Variants in MYBPC3 observed in about 807,000 individuals in gnomAD.
MYBPC3 encodes myosin binding protein C3, also known as myosin-binding protein C, cardiac-type.
MYBPC3 carries 108 observed loss-of-function variants against 159.3 expected under a neutral mutation model. That is an observed-to-expected ratio of 0.68 (90% CI 0.58 to 0.80). The LOEUF is 0.80. Ranked by LOEUF, MYBPC3 falls within the 30% of genes least tolerant of loss-of-function variation. MYBPC3 has a pLI of 0.00. For missense variants in MYBPC3, 1,631 were observed against 1,762.1 expected (o/e 0.93, Z 1.33); for synonymous variants, 730 against 702.0 (o/e 1.04, Z -0.63).
chr11:47,331,911 C>G, intron 33 of MYBPC3, 30 bp from the exon 34 acceptor site: 2 of 1,607,836 alleles, frequency 1.2e-6, no homozygotes, highest in Non-Finnish European at 1.7e-6. Flanking sequence ...GTCACTGTGT[C>G]CTCCCAGCCT....
At chr11:47,343,201 A>G in intron 14 of MYBPC3, 56 bp from the exon 15 acceptor site, 1 of 1,589,954 alleles carries the variant, frequency 6.3e-7, no homozygotes, top group South Asian at 1.1e-5. Context: ...CTCCGGGCCC[A>G]GTGCGCCCCA....
intron 8 of MYBPC3, 22 bp from the exon 9 acceptor site, chr11:47,347,501 G>A: frequency 6.3e-7 from 1 of 1,592,222 alleles, no homozygotes; most frequent in Non-Finnish European, 8.6e-7. Flanking sequence ...GACCCCCAGT[G>A]AGGCTGCAGT....
rs1294599327 is a variant in MYBPC3 at position 47,346,689 on chromosome 11, G to A, written c.909-45C>T. On this transcript the variant is annotated intron_variant, in intron 10 of 34. Transcript: ENST00000545968. The surrounding 1 kb of genome is among the most constrained non-coding windows in gnomAD (Gnocchi z 5.3). ...GGGAGAAAGGGTAGGTGGCACATGA[G>A]AGGTATGGCCACCTTCCCTCAAAGA... 5 of 1,579,832 alleles carry A rather than the reference G, an allele frequency of 3.2e-6. No homozygotes were observed. The highest frequency in any genetic ancestry group is 4.3e-6 in the Non-Finnish European group (5 of 1,161,858).
At position 47,351,849 on chromosome 11, in the gene MYBPC3, T is replaced by A. The variant is rs1318552780; in HGVS notation, c.26-344A>T. ...CCTTTCCCCCAACCATTTCGGGCCC[T>A]TGGCAGGGGGCGGGGAAGTCTGCCT... On this transcript the variant is annotated intron_variant, in intron 1 of 34. Transcript: ENST00000545968. This position sits in a 1 kb window ranked among gnomAD's most constrained non-coding sequence, Gnocchi z 4.2. 6.6e-6 allele frequency among the ~76,000 whole-genome samples: 1 copy of A among 152,036 alleles called. No homozygotes were observed. Among genetic ancestry groups the A allele is most frequent in the Non-Finnish European group, 1.5e-5 (1 of 67,964 alleles).
In MYBPC3 at chr11:47,342,128, G is replaced by A. The variant is rs767414501; in HGVS notation, c.1653C>T (p.Ile551=). 5.6e-6 allele frequency: 9 copies of A among 1,613,892 alleles called. No individual in the cohort carries two copies. Among genetic ancestry groups the A allele is most frequent in the South Asian group, 3.3e-5 (3 of 91,078 alleles). ...CCTTTGCGCCCACCATCAGGTCTGC[G>A]ATGCTCTGGTACACCTCCAGCTTCT... is the stretch of plus-strand genomic sequence containing the variant. ...QEKKLEVYQS[I]ADLMVGAKDQ... Residue 551 remains isoleucine (I), a synonymous_variant, in exon 18 of 35, where the codon ATC becomes ATT. Coordinates refer to ENST00000545968, the MANE Select transcript of MYBPC3 (RefSeq NM_000256.3).
At chr11:47,336,489 CAAAAAAAAAAAA>C (rs34527074) in intron 25 of MYBPC3, 6 of 67,644 alleles carry the variant, frequency 8.9e-5, no homozygotes, top group South Asian at 3.9e-4. Context: ...GACTCCATCT[CAAAAAAAAAAAA>C]AAAAAAAAAA....
chr11:47,333,795 A>AG, intron 28 of MYBPC3, 43 bp from the exon 29 acceptor site: 3 of 1,559,278 alleles, frequency 1.9e-6, no homozygotes, highest in Non-Finnish European at 2.6e-6. Flanking sequence ...GATCACTCCA[A>AG]GGGCCGGCCG....
chr11:47,340,431 G>A (rs771077543), intron 20 of MYBPC3, among the ~76,000 whole-genome samples: 8 of 152,236 alleles, frequency 5.3e-5, no homozygotes, highest in Non-Finnish European at 1.0e-4. Context: ...TTGGGAGGCC[G>A]AGGCAGGCAG....
chr11:47,350,358 C>T (rs912668888), intron 3 of MYBPC3, 144 bp downstream of exon 3: 2 of 1,380,936 alleles, frequency 1.4e-6, no homozygotes, highest in East Asian at 2.5e-5. Context: ...ATCTCCTGAC[C>T]TCATGATCCG....
At chr11:47,349,501 C>A (rs1374687617) in intron 5 of MYBPC3, among the ~76,000 whole-genome samples, 2 of 149,294 alleles carry the variant, frequency 1.3e-5, no homozygotes, top group East Asian at 4.0e-4. Flanking sequence ...CCCGGCCAAA[C>A]CTTATTAGGT....
Position 47,341,535 on chromosome 11 carries a change from G to A in MYBPC3, c.1791-291C>T, listed in dbSNP as rs11570084. Among the ~76,000 whole-genome samples, 1,024 of 152,328 alleles carry A rather than the reference G, an allele frequency of 6.7e-3. 11 individuals are homozygous for A. The highest frequency in any genetic ancestry group is 0.024 in the African/African-American group (987 of 41,566). On this transcript the variant is annotated intron_variant, in intron 18 of 34. Transcript: ENST00000545968. Reference sequence around the variant, plus strand: ...ATCTCTGTGAACTTGGGCCCAGCACGGCCAGCCCAGTTGCTCCAGGGATGA... The same window carrying A: ...ATCTCTGTGAACTTGGGCCCAGCACAGCCAGCCCAGTTGCTCCAGGGATGA...
Position 47,351,200 on chromosome 11 carries a change from AGCAG to A in MYBPC3, c.292+35_292+38del. 1 of 1,102,592 alleles carries A rather than the reference AGCAG, an allele frequency of 9.1e-7. No individual in the cohort carries two copies. Among genetic ancestry groups the A allele is most frequent in the African/African-American group, 1.6e-5 (1 of 62,454 alleles). The allele number at this position is 1,102,592 out of a possible 1,614,324, so 68.3% of individuals were successfully genotyped here. ...AGAGTCGCTGGGCTGCCCCTCCCCCAGCAGCCCAAACCTCAGGGAAGGCTGATCA... is the reference window on the plus strand; with the variant it reads ...AGAGTCGCTGGGCTGCCCCTCCCCCACCCAAACCTCAGGGAAGGCTGATCA... On this transcript the variant is annotated intron_variant, in intron 2 of 34. Coordinates refer to ENST00000545968, the MANE Select transcript of MYBPC3 (RefSeq NM_000256.3). This position sits in a 1 kb window ranked among gnomAD's most constrained non-coding sequence, Gnocchi z 4.2.
chr11:47,341,786 C>G (rs920871675), intron 18 of MYBPC3, among the ~76,000 whole-genome samples: 1 of 152,122 alleles, frequency 6.6e-6, no homozygotes, highest in African/African-American at 2.4e-5. Context: ...CTCTATAGAA[C>G]TATTTCTGTC....
intron 25 of MYBPC3, chr11:47,336,256 G>A (rs1242490124): frequency 3.4e-6 from 1 of 296,906 alleles, no homozygotes; most frequent in Non-Finnish European, 6.2e-6. Flanking sequence ...GGGAGGCCGA[G>A]GTGGGAGGAT....
chr11:47,347,066 G>A lies in MYBPC3; in HGVS notation c.906-37C>T, dbSNP rs774943299. ...CAGCAGCAGCCATAATGGAGGGGCCGGGGGAGAGGGAGAGAGAGGGCAGAG... is the reference window on the plus strand; with the variant it reads ...CAGCAGCAGCCATAATGGAGGGGCCAGGGGAGAGGGAGAGAGAGGGCAGAG... On this transcript the variant is annotated intron_variant, in intron 9 of 34. Transcript: ENST00000545968. The A allele has an allele frequency of 2.8e-5, 24 of 863,346 alleles. No homozygotes were observed. The highest frequency in any genetic ancestry group is 4.1e-5 in the Non-Finnish European group (21 of 508,680). The allele number at this position is 863,346 out of a possible 1,614,324, so 53.5% of individuals were successfully genotyped here.
chr11:47,331,631 A>T lies in MYBPC3; in HGVS notation c.*112T>A. ...TCCCCCATCGCAGCACAGGAGACACACTTGTCACACATACATCCAACAGTA... is the reference window on the plus strand; with the variant it reads ...TCCCCCATCGCAGCACAGGAGACACTCTTGTCACACATACATCCAACAGTA... On this transcript the variant is annotated 3_prime_UTR_variant, in exon 35 of 35. Transcript: ENST00000545968. 2 of 567,390 alleles carry T rather than the reference A, an allele frequency of 3.5e-6. No individual in the cohort carries two copies. The highest frequency in any genetic ancestry group is 4.5e-5 in the South Asian group (2 of 44,312). The allele number at this position is 567,390 out of a possible 1,614,324, so 35.1% of individuals were successfully genotyped here.
rs543147859 is a variant in MYBPC3 at position 47,346,199 on chromosome 11, G to A, written c.1090+8C>T. On this transcript the variant is annotated splice_region_variant and intron_variant, in intron 12 of 34. Transcript: ENST00000545968. This position sits in a 1 kb window ranked among gnomAD's most constrained non-coding sequence, Gnocchi z 5.3. Reference sequence around the variant, plus strand: ...GCCCTCTCCTCTCCCCTCTGAGGAAGGGCTAACCTGTGCTCTTCTTCTCAT... The same window carrying A: ...GCCCTCTCCTCTCCCCTCTGAGGAAAGGCTAACCTGTGCTCTTCTTCTCAT... 1 of 1,613,672 alleles carries A rather than the reference G, an allele frequency of 6.2e-7. No homozygotes were observed. The highest frequency in any genetic ancestry group is 1.1e-5 in the South Asian group (1 of 91,050).
Position 47,338,681 on chromosome 11 carries a change from TG to T in MYBPC3, c.2149-3del, listed in dbSNP as rs748128261. 20 of 1,608,292 alleles carry T rather than the reference TG, an allele frequency of 1.2e-5. No homozygotes were observed. Among genetic ancestry groups the T allele is most frequent in the East Asian group, 2.2e-5 (1 of 44,768 alleles). ...CCGGCCCTCGGTCTCACACAGCAGC[TG>T]GGGGGGTGCAGAGTTGGGGTGAGAT... On this transcript the variant is annotated splice_region_variant and splice_polypyrimidine_tract_variant and intron_variant, in intron 22 of 34. Transcript: ENST00000545968. This position sits in a 1 kb window ranked among gnomAD's most constrained non-coding sequence, Gnocchi z 4.7.
chr11:47,350,457 C>T (rs1408934967), intron 3 of MYBPC3, 45 bp downstream of exon 3: 32 of 1,541,292 alleles, frequency 2.1e-5, no homozygotes, highest in East Asian at 2.5e-5. Context: ...GCCCTGGACA[C>T]GCCCTACCCA....
Sources: gnomAD v4.1 joint callset for allele counts (sites outside exome capture counted in the v4.1 genomes callset) on GRCh38, gnomAD v4.1.1 for gene constraint, Gnocchi (gnomAD v3.1) non-coding constraint, MANE v1.5 for transcripts, NCBI Gene and HGNC (gene_info 2026-07-23, HGNC 2026-07-21) for gene names.